The following MAP9 variants were observed in gnomAD, a reference collection of about 807,000 sequenced individuals.
MAP9 encodes microtubule associated protein 9.
MAP9 carries 80 observed loss-of-function variants against 75.2 expected under a neutral mutation model. That is an observed-to-expected ratio of 1.06 (90% confidence interval 0.89 to 1.28). The LOEUF (loss-of-function observed/expected upper bound fraction) is 1.28. Among genes scored for constraint, MAP9 ranks in the 50% most tolerant of loss-of-function variants. MAP9 has a pLI of 0.00. For synonymous variants in MAP9, 235 were observed against 237.3 expected, an observed-to-expected ratio of 0.99 and a Z score of 0.09; for missense variants, 753 against 719.9, an observed-to-expected ratio of 1.05 and a Z score of -0.53.
intron 7 of MAP9, among the ~76,000 whole-genome samples, chr4:155,359,457 G>A (rs1262887751): frequency 3.3e-5 from 5 of 151,720 alleles, no homozygotes; most frequent in Non-Finnish European, 7.4e-5. Flanking sequence ...AGGGAGGTGC[G>A]GGATGAGAAA....
Position 155,374,990 on chromosome 4 carries a change from G to A in MAP9, c.107C>T (p.Ser36Leu). The change falls in exon 3 of 14, where the codon TCA (serine) becomes TTA (leucine). Residue 36 changes from serine to leucine, a missense_variant. Physicochemically the swap from Ser to Leu is moderately radical, Grantham distance 145. Coordinates refer to ENST00000311277, the MANE Select transcript of MAP9 (RefSeq NM_001039580.2). ...DELIRAITAR[S>L]ARQRSSEYSD... The stretch of plus-strand genomic sequence containing the variant: ...GTATTCAGAACTCCTTTGTCTGGCT[G>A]AGCGAGCTGTAATTGCTCTTATTAG... 1.3e-6 allele frequency: 2 copies of A among 1,589,078 alleles called. No homozygotes were observed. The highest frequency in any genetic ancestry group is 1.7e-6 in the Non-Finnish European group (2 of 1,161,400).
In MAP9 at chr4:155,375,828, G is replaced by T; in HGVS notation, c.23C>A (p.Thr8Asn). The T allele has an allele frequency of 6.2e-7, 1 of 1,610,110 alleles. No individual in the cohort carries two copies. The highest frequency in any genetic ancestry group is 8.5e-7 in the Non-Finnish European group (1 of 1,177,826). The change falls in exon 2 of 14, where the codon ACC becomes AAC. Residue 8 changes from threonine (T) to asparagine (N), a missense_variant. Coordinates refer to ENST00000311277, the MANE Select transcript of MAP9 (RefSeq NM_001039580.2). ...TGGACTCTTTGTATATGCCAAAGTGGTGCTAAAAACTTCATCAGACATAGT... is the reference window on the plus strand; with the variant it reads ...TGGACTCTTTGTATATGCCAAAGTGTTGCTAAAAACTTCATCAGACATAGT... MSDEVFS[T>N]TLAYTKSPKV...
At chr4:155,374,866 G>T in intron 3 of MAP9, 71 bp downstream of exon 3, 1 of 927,334 alleles carries the variant, frequency 1.1e-6, no homozygotes, top group Non-Finnish European at 1.6e-6. Context: ...GGTGGTTGGG[G>T]GGCTGGCTAA....
At chr4:155,359,210 T>C (rs997051337) in intron 7 of MAP9, among the ~76,000 whole-genome samples, 11 of 145,580 alleles carry the variant, frequency 7.6e-5, no homozygotes, top group South Asian at 2.2e-4. Context: ...AAAATGTGTA[T>C]ACACACACAC....
intron 4 of MAP9, among the ~76,000 whole-genome samples, chr4:155,371,580 A>G (rs533400954): frequency 6.6e-6 from 1 of 152,080 alleles, no homozygotes; most frequent in East Asian, 1.9e-4. Flanking sequence ...AATGTATACA[A>G]TTACCTATTT....
rs779823486 is a variant in MAP9 at position 155,373,249 on chromosome 4, T to C, written c.368A>G (p.Asp123Gly). 14 of 1,612,846 alleles carry C rather than the reference T, an allele frequency of 8.7e-6. No individual in the cohort carries two copies. Among genetic ancestry groups the C allele is most frequent in the Admixed American group, 8.3e-5 (5 of 59,948 alleles). Residue 123 changes from aspartate to glycine, a missense_variant, in exon 4 of 14, where the codon GAC becomes GGC. Physicochemically the swap from Asp to Gly is moderately conservative, Grantham distance 94. Transcript: ENST00000311277. ...TTCAGAGAAAGATTTTACAACAATG[T>C]CTTCACACCCATCAGGTGCCATTTC... ...EEEMAPDGCE[D>G]IVVKSFSESQ...
At chr4:155,374,346 A>AAAACACAAAC in intron 3 of MAP9, among the ~76,000 whole-genome samples, 1 of 151,714 alleles carries the variant, frequency 6.6e-6, no homozygotes, top group African/African-American at 2.4e-5. Flanking sequence ...CTCAAAAACA[A>AAAACACAAAC]AAACAAACAA....
At position 155,352,723 on chromosome 4, in the gene MAP9, T is replaced by C. The variant is rs532357477; in HGVS notation, c.1694A>G (p.Glu565Gly). 2 of 1,554,060 alleles carry C rather than the reference T, an allele frequency of 1.3e-6. No individual in the cohort carries two copies. Among genetic ancestry groups the C allele is most frequent in the East Asian group, 2.3e-5 (1 of 44,372 alleles). The part of the protein sequence containing the change: ...DNLTAVEKWN[E>G]KKEAFFKQKE... Reference sequence around the variant, plus strand: ...TTGCTTGAAAAAAGCTTCCTTTTTTTCATTCCTATAGAGCATAGTATAAAA... The same window carrying C: ...TTGCTTGAAAAAAGCTTCCTTTTTTCCATTCCTATAGAGCATAGTATAAAA... The change falls in exon 13 of 14, where the codon GAA (glutamate) becomes GGA (glycine). Residue 565 changes from glutamate (E) to glycine (G), a missense_variant. Physicochemically the swap from Glu to Gly is moderately conservative, Grantham distance 98 (BLOSUM62 -2). Transcript: ENST00000311277.
chr4:155,352,794 A>G, intron 12 of MAP9, 66 bp from the exon 13 acceptor site: 1 of 1,450,480 alleles, frequency 6.9e-7, no homozygotes, highest in Non-Finnish European at 9.3e-7. Flanking sequence ...TCCCTAGTAC[A>G]TCTTTGACAG....
At chr4:155,355,932 G>T (rs1446535463) in intron 8 of MAP9, 48 bp from the exon 9 acceptor site, 1 of 1,491,586 alleles carries the variant, frequency 6.7e-7, no homozygotes. Context: ...ATTGCATTTG[G>T]TAGAAGAGAG....
chr4:155,364,124 T>C (rs890359785), intron 5 of MAP9, among the ~76,000 whole-genome samples: 1 of 151,870 alleles, frequency 6.6e-6, no homozygotes, highest in Non-Finnish European at 1.5e-5. Context: ...ATCAACACAT[T>C]ATATAGAGAG....
rs776150288 is a variant in MAP9 at position 155,360,183 on chromosome 4, T to G, written c.1035A>C (p.Ala345=). The change falls in exon 7 of 14, where the codon GCA becomes GCC. Residue 345 remains alanine, a synonymous_variant. Transcript: ENST00000311277. ...TTACAAATACCTTTGAAGATGCTGT[T>G]GCACTGGTAGATATTAAGATACTCT... ...KSQSILISTS[A]TASSKKTIED... is the part of the protein sequence containing the mutation. The G allele has an allele frequency of 1.9e-6, 3 of 1,611,344 alleles. No individual in the cohort carries two copies. Among genetic ancestry groups the G allele is most frequent in the South Asian group, 1.1e-5 (1 of 90,956 alleles).
At position 155,345,898 on chromosome 4, in the gene MAP9, C is replaced by A. The variant is rs1276565915; in HGVS notation, c.*1885G>T. Reference sequence around the variant, plus strand: ...CTCTAAACAGCTAATACAATAAACACTTTTAATCTATTTTGGCAGGCACTG... The same window carrying A: ...CTCTAAACAGCTAATACAATAAACAATTTTAATCTATTTTGGCAGGCACTG... On this transcript the variant is annotated 3_prime_UTR_variant, in exon 14 of 14. Coordinates refer to ENST00000311277, the MANE Select transcript of MAP9 (RefSeq NM_001039580.2). 2.6e-5 allele frequency: 4 copies of A among 152,052 alleles called. No individual in the cohort carries two copies. The highest frequency in any genetic ancestry group is 5.9e-5 in the Non-Finnish European group (4 of 67,986). 9.4% of individuals were successfully genotyped at this position (152,052 alleles called of 1,614,324 possible).
At chr4:155,358,658 G>A (rs571642777) in intron 7 of MAP9, among the ~76,000 whole-genome samples, 1 of 152,150 alleles carries the variant, frequency 6.6e-6, no homozygotes, top group South Asian at 2.1e-4. Context: ...GTAGGGACAA[G>A]TAATCCTACA....
At chr4:155,358,467 G>A (rs1284734529) in intron 7 of MAP9, among the ~76,000 whole-genome samples, 1 of 152,098 alleles carries the variant, frequency 6.6e-6, no homozygotes, top group Non-Finnish European at 1.5e-5. Context: ...TGTATTTTAT[G>A]TTATAAAAGT....
At chr4:155,359,815 TAACTC>T (rs1480055817) in intron 7 of MAP9, among the ~76,000 whole-genome samples, 2 of 152,068 alleles carry the variant, frequency 1.3e-5, no homozygotes, top group African/African-American at 4.8e-5. Flanking sequence ...TCCAAAAACA[TAACTC>T]TAATTTAAAA....
intron 4 of MAP9, 103 bp downstream of exon 4, chr4:155,373,032 CT>C: frequency 1.4e-6 from 1 of 717,806 alleles, no homozygotes; most frequent in Non-Finnish European, 2.1e-6. Context: ...TTAAGTCTGT[CT>C]TTTTTTCTTA....
intron 9 of MAP9, 22 bp from the exon 10 acceptor site, chr4:155,355,182 C>T: frequency 1.2e-6 from 1 of 814,452 alleles, no homozygotes; most frequent in Non-Finnish European, 1.8e-6. Flanking sequence ...AGAAAAAGGT[C>T]ATATAATATT....
chr4:155,359,999 G>A (rs1392993606), intron 7 of MAP9, among the ~76,000 whole-genome samples, 169 bp downstream of exon 7: 1 of 151,990 alleles, frequency 6.6e-6, no homozygotes, highest in Non-Finnish European at 1.5e-5. Context: ...TTTCCTTAAA[G>A]TTAAATTTTA....
Sources: allele counts gnomAD v4.1 joint callset (sites outside exome capture counted in the v4.1 genomes callset), GRCh38; gene constraint gnomAD v4.1.1; transcripts MANE v1.5; gene names NCBI Gene and HGNC (gene_info 2026-07-23, HGNC 2026-07-21).